Variants in ATXN7L1 observed in about 807,000 individuals in gnomAD.
The protein encoded by ATXN7L1 is ataxin 7 like 1.
A neutral mutation model predicts 70.8 loss-of-function variants in ATXN7L1; 15 were observed. The ratio of observed to expected loss-of-function variants is 0.21; its 90% CI spans 0.14 to 0.33. The LOEUF (loss-of-function observed/expected upper bound fraction) is 0.33. Among genes scored for constraint, ATXN7L1 ranks in the 10% least tolerant of loss-of-function variants. ATXN7L1 has a pLI of 1.00. For missense variants in ATXN7L1, 975 were observed against 1,097.1 expected, an observed-to-expected ratio of 0.89 and a Z score of 1.57; for synonymous variants, 440 against 445.1, an observed-to-expected ratio of 0.99 and a Z score of 0.14.
chr7:105,710,791 A>G (rs1423876019), intron 3 of ATXN7L1, among the ~76,000 whole-genome samples: 1 of 152,162 alleles, frequency 6.6e-6, no homozygotes, highest in Non-Finnish European at 1.5e-5. Context: ...GTGAGAACTC[A>G]CTCACTATCA....
At chr7:105,773,353 T>C (rs905629876) in intron 3 of ATXN7L1, among the ~76,000 whole-genome samples, 2 of 152,204 alleles carry the variant, frequency 1.3e-5, no homozygotes, top group Admixed American at 1.3e-4. Flanking sequence ...TCTTGGTACA[T>C]TCCCAGGCCC....
chr7:105,656,362 G>T (rs986557371), intron 4 of ATXN7L1, among the ~76,000 whole-genome samples: 2 of 152,192 alleles, frequency 1.3e-5, no homozygotes, highest in Non-Finnish European at 2.9e-5. Context: ...CTACATAGAT[G>T]TCAACACTGT....
intron 3 of ATXN7L1, among the ~76,000 whole-genome samples, chr7:105,710,119 G>T (rs1793693867): frequency 6.6e-6 from 1 of 152,134 alleles, no homozygotes; most frequent in African/African-American, 2.4e-5. Flanking sequence ...CAATGTGTTG[G>T]GATTACTGGC....
rs143502292 is a variant in ATXN7L1 at position 105,774,455 on chromosome 7, G to A, written c.355+14149C>T. Among the ~76,000 whole-genome samples, 345 of 151,148 alleles carry A rather than the reference G, an allele frequency of 2.3e-3. 1 individual carries two copies. Among genetic ancestry groups the A allele is most frequent in the African/African-American group, 8.1e-3 (333 of 41,084 alleles). On this transcript the variant is annotated intron_variant, in intron 3 of 11. Coordinates refer to ENST00000419735, the MANE Select transcript of ATXN7L1 (RefSeq NM_020725.2). The stretch of plus-strand genomic sequence containing the variant: ...AAACCTCCACCTCCCAGGTTCAAGC[G>A]ATTCTACTGCCTCAGCCTCCCTAGT...
At chr7:105,760,564 C>A in intron 3 of ATXN7L1, 2 of 985,858 alleles carry the variant, frequency 2.0e-6, no homozygotes, top group Non-Finnish European at 2.4e-6. Flanking sequence ...TTAACTGAGA[C>A]TATGTTAGGC....
intron 3 of ATXN7L1, among the ~76,000 whole-genome samples, chr7:105,725,565 A>C (rs1056957612): frequency 6.7e-6 from 1 of 150,332 alleles, no homozygotes; most frequent in East Asian, 2.0e-4. Flanking sequence ...CATTGCGAGC[A>C]ACTTTAATTT....
At chr7:105,732,091 T>A (rs1319455134) in intron 3 of ATXN7L1, among the ~76,000 whole-genome samples, 1 of 151,880 alleles carries the variant, frequency 6.6e-6, no homozygotes, top group Non-Finnish European at 1.5e-5. Flanking sequence ...AAACTCTGTC[T>A]CAAAAAACAA....
intron 3 of ATXN7L1, among the ~76,000 whole-genome samples, chr7:105,699,644 A>C (rs1792189221): frequency 6.6e-6 from 1 of 152,206 alleles, no homozygotes; most frequent in South Asian, 2.1e-4. Context: ...ATGAGACACA[A>C]GTTCCCAAAG....
intron 3 of ATXN7L1, among the ~76,000 whole-genome samples, chr7:105,669,999 A>AG (rs1180566090): frequency 5.3e-5 from 8 of 151,954 alleles, no homozygotes; most frequent in African/African-American, 1.9e-4. Context: ...GGTGAGCTGT[A>AG]GCTAGGCTTT....
chr7:105,611,758 C>G (rs184243340), intron 10 of ATXN7L1, among the ~76,000 whole-genome samples: 16 of 152,316 alleles, frequency 1.1e-4, no homozygotes, highest in Non-Finnish European at 2.2e-4. Context: ...TAAATGGATC[C>G]CCAAATTGTT....
At chr7:105,757,712 AGCTTGG>A in intron 3 of ATXN7L1, among the ~76,000 whole-genome samples, 1 of 150,478 alleles carries the variant, frequency 6.6e-6, no homozygotes, top group East Asian at 2.0e-4. Context: ...CCCCCTAAGT[AGCTTGG>A]GCTACAGGCA....
chr7:105,610,077 C>T (rs1057054505), intron 11 of ATXN7L1, among the ~76,000 whole-genome samples: 1 of 152,150 alleles, frequency 6.6e-6, no homozygotes, highest in African/African-American at 2.4e-5. Context: ...GGCCGCAAGT[C>T]CCTTTAATCA....
intron 2 of ATXN7L1, among the ~76,000 whole-genome samples, chr7:105,835,175 G>GTTTTTT (rs1812200992): frequency 2.0e-5 from 1 of 50,048 alleles, no homozygotes; most frequent in African/African-American, 9.2e-5. Context: ...TTTTTTTTGA[G>GTTTTTT]AAAGGGTCTC....
intron 1 of ATXN7L1, 38 bp from the exon 2 acceptor site, chr7:105,875,918 A>G: frequency 6.3e-7 from 1 of 1,593,732 alleles, no homozygotes; most frequent in Admixed American, 1.7e-5. Context: ...GAAAATAAGG[A>G]AAAAAGGGGG....
intron 7 of ATXN7L1, among the ~76,000 whole-genome samples, chr7:105,625,083 T>C (rs991466697): frequency 3.3e-5 from 5 of 152,176 alleles, no homozygotes; most frequent in Admixed American, 1.3e-4. Context: ...ATACGTTCTT[T>C]GATACAAAGC....
intron 9 of ATXN7L1, among the ~76,000 whole-genome samples, chr7:105,619,611 C>T (rs970705166): frequency 7.4e-5 from 10 of 134,638 alleles, no homozygotes; most frequent in Non-Finnish European, 1.2e-4. Context: ...AGTGCAGTGG[C>T]ACAATCATAG....
At chr7:105,662,023 T>C (rs28722778) in intron 4 of ATXN7L1, among the ~76,000 whole-genome samples, 5,098 of 64,828 alleles carry the variant, frequency 0.079, 136 homozygotes, top group Middle Eastern at 0.15. Flanking sequence ...TCTTTCTTTC[T>C]TTCTTTCCTT....
At chr7:105,665,027 G>A (rs1363428247) in intron 4 of ATXN7L1, 39 bp downstream of exon 4, 31 of 1,504,898 alleles carry the variant, frequency 2.1e-5, no homozygotes, top group Admixed American at 3.9e-5. Flanking sequence ...GAACAGCAGG[G>A]GGGACAGACA....
At chr7:105,732,054 C>A (rs1796637433) in intron 3 of ATXN7L1, among the ~76,000 whole-genome samples, 1 of 152,042 alleles carries the variant, frequency 6.6e-6, no homozygotes, top group Non-Finnish European at 1.5e-5. Flanking sequence ...GATTGTGACA[C>A]TGTACTCCAG....
Sources: gnomAD v4.1 joint callset for allele counts (sites outside exome capture counted in the v4.1 genomes callset) on GRCh38, gnomAD v4.1.1 for gene constraint, MANE v1.5 for transcripts, NCBI Gene and HGNC (gene_info 2026-07-23, HGNC 2026-07-21) for gene names.